JPH3: variants seen among roughly 807,000 people sequenced by gnomAD.
JPH3 encodes junctophilin 3.
JPH3 carries 11 observed loss-of-function variants against 59.6 expected under a neutral mutation model. The ratio of observed to expected loss-of-function variants is 0.18; its 90% CI spans 0.12 to 0.31. JPH3 has a LOEUF of 0.31. JPH3 is among the 10% of genes least tolerant of loss of function. JPH3 has a pLI of 1.00. For missense variants in JPH3, 1,202 were observed against 1,105.7 expected (o/e 1.09, Z -1.24); for synonymous variants, 673 against 483.6 (o/e 1.39, Z -5.14).
At chr16:87,641,297 C>A (rs1431647906) in intron 1 of JPH3, among the ~76,000 whole-genome samples, 1 of 152,198 alleles carries the variant, frequency 6.6e-6, no homozygotes, top group Non-Finnish European at 1.5e-5. Flanking sequence ...GGAGCCCCAT[C>A]ACTGGAGTCG....
intron 1 of JPH3, among the ~76,000 whole-genome samples, chr16:87,637,422 T>G (rs113010581): frequency 3.3e-4 from 48 of 147,588 alleles, no homozygotes; most frequent in African/African-American, 1.0e-3. Context: ...GTGTGTGTGT[T>G]TGTGTGTGTG....
intron 2 of JPH3, among the ~76,000 whole-genome samples, chr16:87,646,654 G>T (rs1438592582): frequency 6.6e-6 from 1 of 152,058 alleles, no homozygotes; most frequent in African/African-American, 2.4e-5. Flanking sequence ...TTTGTTTTTC[G>T]ACCCTTTCTA....
intron 2 of JPH3, among the ~76,000 whole-genome samples, chr16:87,678,658 C>T (rs1018355961): frequency 6.6e-6 from 1 of 152,176 alleles, no homozygotes; most frequent in Admixed American, 6.5e-5. Context: ...AACTCACTTC[C>T]AACTTCTTGG....
chr16:87,689,855 G>A lies in JPH3; in HGVS notation c.1495G>A (p.Ala499Thr), dbSNP rs753758778. 11 of 1,515,876 alleles carry A rather than the reference G, an allele frequency of 7.3e-6. No homozygotes were observed. The highest frequency in any genetic ancestry group is 1.7e-4 in the Middle Eastern group (1 of 5,794). The allele number at this position is 1,515,876 out of a possible 1,614,324, so 93.9% of individuals were successfully genotyped here. The change falls in exon 4 of 5, where the codon GCC (alanine) becomes ACC (threonine). Residue 499 changes from alanine (A) to threonine (T), a missense_variant. Transcript: ENST00000284262. ...CGCGCCCGCCGCCAGGAACAAGGTCGCCCACTTCTCGAGGCAGGTGTCGGT... is the reference window on the plus strand; with the variant it reads ...CGCGCCCGCCGCCAGGAACAAGGTCACCCACTTCTCGAGGCAGGTGTCGGT... ...PPAPAARNKV[A>T]HFSRQVSVDE...
chr16:87,653,043 G>A (rs1472559942), intron 2 of JPH3, among the ~76,000 whole-genome samples: 3 of 152,050 alleles, frequency 2.0e-5, no homozygotes, highest in Admixed American at 6.5e-5. Flanking sequence ...AGGGCAGTGC[G>A]TGGTCTCCAA....
chr16:87,682,342 G>GC (rs1446088844), intron 2 of JPH3, among the ~76,000 whole-genome samples: 1 of 152,176 alleles, frequency 6.6e-6, no homozygotes, highest in Non-Finnish European at 1.5e-5. Context: ...GACAGGTATG[G>GC]CAGAGATGGG....
rs141417907 is a variant in JPH3, at chr16:87,609,818, T to C, written c.382+6290T>C. Among the ~76,000 whole-genome samples the C allele has an allele frequency of 7.2e-5, 11 of 152,346 alleles. No individual in the cohort carries two copies. The East Asian group carries it at 2.1e-3, about 29-fold the overall frequency. On this transcript the variant is annotated intron_variant, in intron 1 of 4. Coordinates refer to ENST00000284262, the MANE Select transcript of JPH3 (RefSeq NM_020655.4). ...TTTTTGGCACCAGGGACCTGTTTCA[T>C]GGAAGACAATTTTTCTACCGCCCAG...
intron 2 of JPH3, among the ~76,000 whole-genome samples, chr16:87,667,978 C>T (rs954807001): frequency 4.6e-5 from 7 of 152,004 alleles, no homozygotes; most frequent in Admixed American, 1.3e-4. Context: ...AAATCCTGAG[C>T]GCACACCGGC....
chr16:87,695,525 G>A, intron 4 of JPH3: 1 of 454,920 alleles, frequency 2.2e-6, no homozygotes. Context: ...CGAGATGCAG[G>A]GCGTGGTGGG....
At chr16:87,678,838 C>T (rs1196027627) in intron 2 of JPH3, among the ~76,000 whole-genome samples, 1 of 152,200 alleles carries the variant, frequency 6.6e-6, no homozygotes, top group Non-Finnish European at 1.5e-5. Flanking sequence ...AGTAAGGCCA[C>T]CACGAGCCTG....
chr16:87,696,290 A>G (rs1443077013), intron 4 of JPH3: 2 of 510,472 alleles, frequency 3.9e-6, no homozygotes, highest in East Asian at 7.3e-5. Context: ...CTCCAAGGGG[A>G]CCCTGGGAGA....
At chr16:87,621,997 A>G (rs1482385960) in intron 1 of JPH3, among the ~76,000 whole-genome samples, 1 of 152,058 alleles carries the variant, frequency 6.6e-6, no homozygotes, top group Admixed American at 6.5e-5. Flanking sequence ...ATCTCACTCT[A>G]CTGTGATCTC....
At chr16:87,636,855 T>C (rs1470124730) in intron 1 of JPH3, among the ~76,000 whole-genome samples, 3 of 152,354 alleles carry the variant, frequency 2.0e-5, no homozygotes, top group Admixed American at 2.0e-4. Flanking sequence ...CACCCTATCT[T>C]ACAGGTGTGG....
intron 2 of JPH3, among the ~76,000 whole-genome samples, chr16:87,674,336 AAAAAAC>A (rs1483918933): frequency 6.6e-6 from 1 of 152,068 alleles, no homozygotes; most frequent in Non-Finnish European, 1.5e-5. Context: ...CCGTCTCAAA[AAAAAAC>A]AAAAACAAAA....
At chr16:87,626,821 C>T (rs892166456) in intron 1 of JPH3, among the ~76,000 whole-genome samples, 3 of 152,168 alleles carry the variant, frequency 2.0e-5, no homozygotes, top group Non-Finnish European at 4.4e-5. Context: ...AGCTCTTCAG[C>T]AGCAAGAGTG....
chr16:87,666,254 A>C (rs1026632365), intron 2 of JPH3, among the ~76,000 whole-genome samples: 1 of 151,844 alleles, frequency 6.6e-6, no homozygotes, highest in African/African-American at 2.4e-5. Context: ...ATGCCCAGCT[A>C]ATTTTTATAT....
At chr16:87,630,415 A>G (rs12447539) in intron 1 of JPH3, among the ~76,000 whole-genome samples, 52,187 of 152,046 alleles carry the variant, frequency 0.34, 9,498 homozygotes, top group African/African-American at 0.44. Flanking sequence ...GGAGATCACG[A>G]ACCTGCCCCT....
intron 1 of JPH3, among the ~76,000 whole-genome samples, chr16:87,644,020 C>T (rs1204484219): frequency 6.6e-6 from 1 of 152,228 alleles, no homozygotes; most frequent in Non-Finnish European, 1.5e-5. Context: ...CGCCTGTAGT[C>T]CCAGCTGCGC....
intron 2 of JPH3, among the ~76,000 whole-genome samples, chr16:87,649,322 A>G (rs1716766634): frequency 6.6e-6 from 1 of 152,184 alleles, no homozygotes. Context: ...CTGCCTTCAC[A>G]CACTCAAGAC....
Sources: allele counts gnomAD v4.1 joint callset (sites outside exome capture counted in the v4.1 genomes callset), GRCh38; gene constraint gnomAD v4.1.1; transcripts MANE v1.5; gene names NCBI Gene and HGNC (gene_info 2026-07-23, HGNC 2026-07-21).